The following RUNX3 variants were observed in gnomAD, a reference collection of about 807,000 sequenced individuals.
RUNX3 encodes runt-related transcription factor 3.
Under a neutral mutation model 27.7 loss-of-function variants are expected in RUNX3, and 10 were observed. That is an observed-to-expected ratio of 0.36 (90% CI 0.22 to 0.61). The LOEUF (loss-of-function observed/expected upper bound fraction) is 0.61, where lower values mean the gene tolerates loss of function less well. Ranked by LOEUF, RUNX3 falls within the 20% of genes least tolerant of loss-of-function variation. The probability of loss-of-function intolerance (pLI) is 0.72; values close to 1 mark genes in which losing one functional copy is unlikely to be tolerated. For missense variants in RUNX3, 469 were observed against 629.5 expected, an observed-to-expected ratio of 0.75 and a Z score of 2.73; for synonymous variants, 270 against 269.2, an observed-to-expected ratio of 1.00 and a Z score of -0.03.
chr1:24,946,605 T>A (rs1293723888), intron 2 of RUNX3, among the ~76,000 whole-genome samples: 4 of 152,096 alleles, frequency 2.6e-5, no homozygotes, highest in Non-Finnish European at 5.9e-5. Flanking sequence ...CATAGTTCCC[T>A]TGTGATGGGC....
chr1:24,915,760 G>A (rs901649901), intron 3 of RUNX3, among the ~76,000 whole-genome samples: 1 of 152,110 alleles, frequency 6.6e-6, no homozygotes, highest in African/African-American at 2.4e-5. Context: ...GGTGGCCAGA[G>A]CAGGATGTGG....
chr1:24,919,414 T>C (rs767123542), intron 2 of RUNX3, 70 bp from the exon 3 acceptor site: 10 of 998,476 alleles, frequency 1.0e-5, no homozygotes, highest in Non-Finnish European at 1.6e-5. Context: ...CTCTCCCACC[T>C]GTATCTACCC....
At chr1:24,939,234 G>T (rs909307011) in intron 2 of RUNX3, among the ~76,000 whole-genome samples, 3 of 152,162 alleles carry the variant, frequency 2.0e-5, no homozygotes, top group African/African-American at 4.8e-5. Context: ...CCCTACATGT[G>T]TGCACTCACA....
chr1:24,936,754 A>G (rs56300031), intron 2 of RUNX3, among the ~76,000 whole-genome samples: 4,075 of 152,270 alleles, frequency 0.027, 174 homozygotes, highest in African/African-American at 0.091. Flanking sequence ...CACCTCCCCA[A>G]AAAGGTCCTG....
intron 2 of RUNX3, chr1:24,964,423 G>A (rs777760785): frequency 1.1e-5 from 11 of 1,034,202 alleles, no homozygotes; most frequent in Admixed American, 7.9e-5. Context: ...CAGGCTGTGC[G>A]CTTGAGGGCA....
intron 3 of RUNX3, among the ~76,000 whole-genome samples, chr1:24,908,183 C>CGACACGCGGTGATCCAAACCTCTAT (rs1557837320): frequency 1.2e-4 from 10 of 83,256 alleles, no homozygotes; most frequent in African/African-American, 6.8e-4. Context: ...CGAAGCTCTA[C>CGACACGCGGTGATCCAAACCTCTAT]GACACGCGGT....
chr1:24,956,995 C>T (rs935708942), intron 2 of RUNX3, among the ~76,000 whole-genome samples: 2 of 152,206 alleles, frequency 1.3e-5, no homozygotes, highest in East Asian at 1.9e-4. Context: ...AAGCTCCCCC[C>T]CACAGGGACT....
Position 24,923,155 on chromosome 1 carries a change from C to T in RUNX3, c.440-3811G>A, listed in dbSNP as rs2124292416. On this transcript the variant is annotated intron_variant, in intron 2 of 4. Transcript: ENST00000308873. This position sits in a 1 kb window ranked among gnomAD's most constrained non-coding sequence, Gnocchi z 5.9. ...CCAGGTAGCAAACCACATGCCACCC[C>T]TGAGGTCACCAGCACTCCTCGGCCG... Among the ~76,000 whole-genome samples the T allele has an allele frequency of 6.6e-6, 1 of 152,286 alleles. No individual in the cohort carries two copies. Among genetic ancestry groups the T allele is most frequent in the Admixed American group, 6.5e-5 (1 of 15,298 alleles).
At chr1:24,924,370 T>C (rs1364229234) in intron 2 of RUNX3, among the ~76,000 whole-genome samples, 2 of 150,826 alleles carry the variant, frequency 1.3e-5, no homozygotes, top group Non-Finnish European at 3.0e-5. Context: ...CAAAAAAAAG[T>C]AAAAGAAAAA....
chr1:24,929,205 C>G (rs1416816080), intron 1 of RUNX3: 2 of 501,252 alleles, frequency 4.0e-6, no homozygotes, highest in Non-Finnish European at 7.8e-6. Context: ...GCCCTTTCAC[C>G]GTTCGCACCC....
chr1:24,952,416 G>A (rs1054446167), intron 2 of RUNX3, among the ~76,000 whole-genome samples: 28 of 152,182 alleles, frequency 1.8e-4, no homozygotes, highest in Non-Finnish European at 3.1e-4. Flanking sequence ...GCATATCAAA[G>A]ACTCTGACAA....
intron 2 of RUNX3, among the ~76,000 whole-genome samples, chr1:24,953,100 C>T (rs939079485): frequency 6.6e-6 from 1 of 152,106 alleles, no homozygotes; most frequent in African/African-American, 2.4e-5. Context: ...GGCGCGGTGG[C>T]TCAAGCCTGC....
chr1:24,942,130 GA>G (rs1466093753), intron 2 of RUNX3, among the ~76,000 whole-genome samples: 2 of 152,272 alleles, frequency 1.3e-5, no homozygotes, highest in East Asian at 3.9e-4. Flanking sequence ...GTCCTCAGGG[GA>G]AAAGGTTCCC....
At chr1:24,945,023 A>C (rs2124346045) in intron 2 of RUNX3, among the ~76,000 whole-genome samples, 1 of 152,312 alleles carries the variant, frequency 6.6e-6, no homozygotes, top group South Asian at 2.1e-4. Context: ...TGCCTGATAC[A>C]CAATAGCTTG....
intron 1 of RUNX3, 27 bp downstream of exon 1, chr1:24,929,560 C>A (rs759874911): frequency 1.3e-6 from 2 of 1,580,776 alleles, no homozygotes; most frequent in South Asian, 2.3e-5. Flanking sequence ...AGGGCCGGCG[C>A]CCTCCCGCCC....
chr1:24,927,839 C>T lies in RUNX3; in HGVS notation c.283-109G>A. On this transcript the variant is annotated intron_variant, in intron 1 of 4. Coordinates refer to ENST00000308873, the MANE Select transcript of RUNX3 (RefSeq NM_004350.3). The surrounding 1 kb of genome is among the most constrained non-coding windows in gnomAD (Gnocchi z 5.0). ...GGGCAGCTCCCCCAGGTCCCAGGCA[C>T]ACTGAGTATTTCTCCAATGCAGGGT... is the stretch of plus-strand genomic sequence containing the variant. The T allele has an allele frequency of 1.1e-6, 1 of 905,202 alleles. No individual in the cohort carries two copies. Among genetic ancestry groups the T allele is most frequent in the Non-Finnish European group, 1.8e-6 (1 of 560,268 alleles). The allele number at this position is 905,202 out of a possible 1,614,324, so 56.1% of individuals were successfully genotyped here.
At chr1:24,926,806 C>T (rs1417865014) in intron 2 of RUNX3, among the ~76,000 whole-genome samples, 2 of 152,160 alleles carry the variant, frequency 1.3e-5, no homozygotes, top group African/African-American at 2.4e-5. Flanking sequence ...GCAGGCTGGT[C>T]TTAAAGGGCC....
At position 24,927,713 on chromosome 1, in the gene RUNX3, G is replaced by A. The variant is rs114583699; in HGVS notation, c.300C>T (p.Asp100=). The stretch of plus-strand genomic sequence containing the variant: ...CAGTCACCACCGTACCATCCGGCAC[G>A]TCCCCCAATGCCACCACCTGAAGAC... ...PVAFKVVALG[D]VPDGTVVTVM... is the part of the protein sequence containing the mutation. Residue 100 remains aspartate, a synonymous_variant, in exon 2 of 5, where the codon GAC becomes GAT. Transcript: ENST00000308873. The surrounding 1 kb of genome is among the most constrained non-coding windows in gnomAD (Gnocchi z 5.0). 1.1e-3 allele frequency: 1,795 copies of A among 1,613,950 alleles called. 21 individuals carry two copies. The African/African-American group carries it at 0.02, about 18-fold the overall frequency.
intron 3 of RUNX3, among the ~76,000 whole-genome samples, chr1:24,911,342 C>A (rs374493065): frequency 6.6e-6 from 1 of 152,236 alleles, no homozygotes; most frequent in African/African-American, 2.4e-5. Flanking sequence ...ACACCATGTA[C>A]AAAGAGTGTT....
Sources: gnomAD v4.1 joint callset for allele counts (sites outside exome capture counted in the v4.1 genomes callset) on GRCh38, gnomAD v4.1.1 for gene constraint, Gnocchi (gnomAD v3.1) non-coding constraint, MANE v1.5 for transcripts, NCBI Gene and HGNC (gene_info 2026-07-23, HGNC 2026-07-21) for gene names.